CSTF3: variants seen among roughly 807,000 people sequenced by gnomAD.
CSTF3 encodes CF-1 77 kDa subunit.
Under a neutral mutation model 105.8 loss-of-function variants are expected in CSTF3, and 29 were observed. The observed-to-expected ratio is 0.27, with a 90% CI of 0.20 to 0.37. CSTF3 has a LOEUF of 0.37. CSTF3 is among the 10% of genes least tolerant of loss of function. CSTF3 has a pLI of 1.00. For synonymous variants in CSTF3, 252 were observed against 281.9 expected (o/e 0.89, Z 1.06); for missense variants, 357 against 879.3 (o/e 0.41, Z 7.51).
intron 3 of CSTF3, among the ~76,000 whole-genome samples, chr11:33,111,765 A>G (rs1428354000): frequency 6.6e-6 from 1 of 152,234 alleles, no homozygotes; most frequent in African/African-American, 2.4e-5. Context: ...TAGCCCAATA[A>G]ATGTATGTAG....
chr11:33,089,395 T>A lies in CSTF3; in HGVS notation c.1641+1137A>T, dbSNP rs1364691073. 2.0e-5 allele frequency among the ~76,000 whole-genome samples: 3 copies of A among 152,024 alleles called. No homozygotes were observed. The East Asian group carries it at 5.8e-4, about 29-fold the overall frequency. On this transcript the variant is annotated intron_variant, in intron 17 of 20. Coordinates refer to ENST00000323959, the MANE Select transcript of CSTF3 (RefSeq NM_001326.3). ...ATGTATAGGAAAACCAATTTTTTTC[T>A]TATCAAGGTTATAACAAAACCATGT...
rs757985828 is a variant in CSTF3, at chr11:33,086,029, G to A, written c.1796-40C>T. 111 of 1,274,508 alleles carry A rather than the reference G, an allele frequency of 8.7e-5. 1 individual carries two copies. In the Middle Eastern group the frequency reaches 8.4e-3, roughly 96 times the overall value. 78.9% of individuals were successfully genotyped at this position (1,274,508 alleles called of 1,614,324 possible). Reference sequence around the variant, plus strand: ...AAAGTATGAATCAAGTGGAATGGAAGAATTTCTACACAGAGCTAAAATCAA... The same window carrying A: ...AAAGTATGAATCAAGTGGAATGGAAAAATTTCTACACAGAGCTAAAATCAA... On this transcript the variant is annotated intron_variant, in intron 18 of 20. Coordinates refer to ENST00000323959, the MANE Select transcript of CSTF3 (RefSeq NM_001326.3).
chr11:33,118,280 C>T (rs1855454096), intron 3 of CSTF3, among the ~76,000 whole-genome samples: 4 of 151,874 alleles, frequency 2.6e-5, no homozygotes, highest in South Asian at 4.1e-4. Flanking sequence ...TTAGACAATA[C>T]TAATTTCAGT....
intron 1 of CSTF3, 24 bp from the exon 2 acceptor site, chr11:33,142,010 A>C: frequency 6.2e-7 from 1 of 1,613,338 alleles, no homozygotes; most frequent in Non-Finnish European, 8.5e-7. Context: ...ACAACAGTGA[A>C]CTAAAGTTAC....
intron 15 of CSTF3, among the ~76,000 whole-genome samples, chr11:33,093,709 TTTC>T (rs1218212514): frequency 1.3e-5 from 2 of 152,088 alleles, no homozygotes; most frequent in African/African-American, 2.4e-5. Context: ...CCTAGTCACA[TTTC>T]TTTTTTCTTT....
At chr11:33,142,429 CT>C (rs1212621730) in intron 1 of CSTF3, among the ~76,000 whole-genome samples, 4 of 152,106 alleles carry the variant, frequency 2.6e-5, no homozygotes, top group African/African-American at 9.7e-5. Flanking sequence ...ACTCTGGTAT[CT>C]AAGGGGGTGT....
intron 3 of CSTF3, among the ~76,000 whole-genome samples, chr11:33,135,386 G>A (rs1565015361): frequency 6.6e-6 from 1 of 152,152 alleles, no homozygotes; most frequent in Non-Finnish European, 1.5e-5. Context: ...ACTGACAGCA[G>A]TAAGATTCAA....
chr11:33,116,875 A>G (rs1855435950), intron 3 of CSTF3, among the ~76,000 whole-genome samples: 1 of 152,048 alleles, frequency 6.6e-6, no homozygotes, highest in South Asian at 2.1e-4. Context: ...CAGAGAAGGT[A>G]GAACAAGGAG....
chr11:33,084,950 A>T lies in CSTF3; in HGVS notation c.*137T>A, dbSNP rs1855087633. On this transcript the variant is annotated 3_prime_UTR_variant, in exon 21 of 21. Transcript: ENST00000323959. ...ACAGGTTGGTTTGTTTTTTCTCAAG[A>T]ACCATGTGATAGAGGCACCAATGAC... 2 of 917,748 alleles carry T rather than the reference A, an allele frequency of 2.2e-6. No individual in the cohort carries two copies. Among genetic ancestry groups the T allele is most frequent in the South Asian group, 2.9e-5 (2 of 68,066 alleles). The allele number at this position is 917,748 out of a possible 1,614,324, so 56.9% of individuals were successfully genotyped here.
chr11:33,112,921 A>G (rs1232581936), intron 3 of CSTF3, among the ~76,000 whole-genome samples: 1 of 152,146 alleles, frequency 6.6e-6, no homozygotes, highest in East Asian at 1.9e-4. Context: ...AAAGACCATT[A>G]TAAACCACAT....
At chr11:33,105,791 T>A in intron 7 of CSTF3, 92 bp downstream of exon 7, 1 of 1,516,542 alleles carries the variant, frequency 6.6e-7, no homozygotes, top group Non-Finnish European at 9.0e-7. Flanking sequence ...AACAACTCTA[T>A]GGAAAATAGT....
chr11:33,128,862 C>T (rs1855570821), intron 3 of CSTF3, among the ~76,000 whole-genome samples: 1 of 152,114 alleles, frequency 6.6e-6, no homozygotes, highest in Admixed American at 6.5e-5. Context: ...TCCTTTAAGG[C>T]CTCTGCACTG....
In CSTF3 at chr11:33,161,368, A is replaced by G. The variant is rs1031032602; in HGVS notation, c.-43T>C. ...ACGTGCGCACTGACCGTCGATGGGA[A>G]GCTAGAAAAGAAAAATTAAACTAAA... On this transcript the variant is annotated 5_prime_UTR_variant, in exon 1 of 21. Coordinates refer to ENST00000323959, the MANE Select transcript of CSTF3 (RefSeq NM_001326.3). 3 of 1,608,536 alleles carry G rather than the reference A, an allele frequency of 1.9e-6. No individual in the cohort carries two copies. In the South Asian group the frequency reaches 3.3e-5, roughly 18 times the overall value.
chr11:33,137,903 T>C (rs952486702), intron 3 of CSTF3, among the ~76,000 whole-genome samples: 1 of 151,790 alleles, frequency 6.6e-6, no homozygotes, highest in Non-Finnish European at 1.5e-5. Context: ...TTTAAATTGC[T>C]ATGTAAAGGT....
rs1490623197 is a variant in CSTF3, at chr11:33,131,604, T to C, written c.225+10063A>G. Among the ~76,000 whole-genome samples the C allele has an allele frequency of 2.6e-5, 4 of 152,006 alleles. No homozygotes were observed. In the East Asian group the frequency reaches 7.7e-4, roughly 29 times the overall value. On this transcript the variant is annotated intron_variant, in intron 3 of 20. Transcript: ENST00000323959. ...GCTCACGCCTGTAATCCCCGCACTT[T>C]GGGAGGCCGAGGCAGGCGGATCACG...
intron 3 of CSTF3, among the ~76,000 whole-genome samples, chr11:33,125,772 A>G (rs1380685475): frequency 6.6e-6 from 1 of 152,152 alleles, no homozygotes; most frequent in Non-Finnish European, 1.5e-5. Context: ...AAGCGTTTAA[A>G]ATTGAAGCTC....
intron 8 of CSTF3, among the ~76,000 whole-genome samples, chr11:33,104,538 G>C (rs115582938): frequency 2.0e-5 from 3 of 152,136 alleles, no homozygotes; most frequent in African/African-American, 7.2e-5. Flanking sequence ...TTGGGAGGCC[G>C]AGGCGGGCTA....
At position 33,099,175 on chromosome 11, in the gene CSTF3, T is replaced by C. The variant is rs201339713; in HGVS notation, c.937-25A>G. On this transcript the variant is annotated intron_variant, in intron 11 of 20. Coordinates refer to ENST00000323959, the MANE Select transcript of CSTF3 (RefSeq NM_001326.3). The surrounding 1 kb of genome is among the most constrained non-coding windows in gnomAD (Gnocchi z 4.1). ...CCTGGTAGAAAAAAAAGAAAGCTCA[T>C]CTTCAATAATTTTAATATAGTTGTG... The C allele has an allele frequency of 1.9e-6, 3 of 1,567,232 alleles. No individual in the cohort carries two copies. The African/African-American group carries it at 4.2e-5, about 22-fold the overall frequency.
chr11:33,137,232 A>G (rs1478176149), intron 3 of CSTF3, among the ~76,000 whole-genome samples: 2 of 151,870 alleles, frequency 1.3e-5, no homozygotes, highest in East Asian at 3.9e-4. Context: ...GACTAGCACA[A>G]GATTTTGCTT....
Sources: gnomAD v4.1 joint callset for allele counts (sites outside exome capture counted in the v4.1 genomes callset) on GRCh38, gnomAD v4.1.1 for gene constraint, Gnocchi (gnomAD v3.1) non-coding constraint, MANE v1.5 for transcripts, NCBI Gene and HGNC (gene_info 2026-07-23, HGNC 2026-07-21) for gene names.